Variants in CAPZA2 observed in about 807,000 individuals in gnomAD.
The protein encoded by CAPZA2 is F-actin-capping protein subunit alpha-2.
CAPZA2 carries 13 observed loss-of-function variants against 44.0 expected under a neutral mutation model. The observed-to-expected ratio is 0.30, with a 90% CI of 0.19 to 0.47. CAPZA2 has a LOEUF of 0.47. Ranked by LOEUF, CAPZA2 falls within the 20% of genes least tolerant of loss-of-function variation. The pLI is 1.00. For missense variants in CAPZA2, 244 were observed against 338.6 expected, an observed-to-expected ratio of 0.72 and a Z score of 2.19; for synonymous variants, 94 against 108.2, an observed-to-expected ratio of 0.87 and a Z score of 0.81.
At chr7:116,908,759 T>C (rs1791549072) in intron 6 of CAPZA2, among the ~76,000 whole-genome samples, 1 of 152,176 alleles carries the variant, frequency 6.6e-6, no homozygotes, top group African/African-American at 2.4e-5. Context: ...AATACTTCTT[T>C]TGGAATCATG....
chr7:116,890,525 AATATATAT>A (rs869031070), intron 2 of CAPZA2, among the ~76,000 whole-genome samples: 4 of 27,220 alleles, frequency 1.5e-4, no homozygotes, highest in African/African-American at 3.2e-4. Context: ...AAAAAAAAAA[AATATATAT>A]ATATATATAT....
intron 5 of CAPZA2, among the ~76,000 whole-genome samples, chr7:116,905,489 T>C (rs1277673132): frequency 6.6e-6 from 1 of 152,202 alleles, no homozygotes; most frequent in East Asian, 1.9e-4. Flanking sequence ...TAATTATTAA[T>C]ATCACCAGTA....
At chr7:116,863,001 C>G (rs927355193) in intron 1 of CAPZA2, among the ~76,000 whole-genome samples, 2 of 152,136 alleles carry the variant, frequency 1.3e-5, no homozygotes, top group African/African-American at 4.8e-5. Flanking sequence ...CCGCCGGGGC[C>G]GGGGACCGGG....
intron 5 of CAPZA2, 46 bp from the exon 6 acceptor site, chr7:116,906,217 C>G: frequency 6.3e-7 from 1 of 1,590,536 alleles, no homozygotes; most frequent in South Asian, 1.2e-5. Context: ...GTTGGACATT[C>G]CATGGCCCTA....
intron 1 of CAPZA2, among the ~76,000 whole-genome samples, chr7:116,879,348 G>T (rs551311765): frequency 6.6e-6 from 1 of 152,108 alleles, no homozygotes; most frequent in East Asian, 1.9e-4. Flanking sequence ...TTTTTATTAG[G>T]ATAAGTTTTT....
chr7:116,862,663 G>A lies in CAPZA2; in HGVS notation c.39+13G>A. On this transcript the variant is annotated intron_variant, in intron 1 of 9. Transcript: ENST00000361183. Reference sequence around the variant, plus strand: ...TGATGAAGAGAAGGTAAGAGTCGCGGGGGCGACGGCGCGGGCTGTCAGGAG... The same window carrying A: ...TGATGAAGAGAAGGTAAGAGTCGCGAGGGCGACGGCGCGGGCTGTCAGGAG... The A allele has an allele frequency of 6.5e-7, 1 of 1,538,372 alleles. No individual in the cohort carries two copies. Among genetic ancestry groups the A allele is most frequent in the South Asian group, 1.2e-5 (1 of 83,378 alleles).
intron 1 of CAPZA2, among the ~76,000 whole-genome samples, chr7:116,877,103 G>C (rs562958417): frequency 6.6e-6 from 1 of 152,302 alleles, no homozygotes; most frequent in East Asian, 1.9e-4. Flanking sequence ...AGAACTTGCA[G>C]TTAGGCCATT....
chr7:116,895,820 A>G (rs555475390), intron 3 of CAPZA2, among the ~76,000 whole-genome samples: 48 of 152,208 alleles, frequency 3.2e-4, no homozygotes, highest in Middle Eastern at 3.4e-3. Context: ...TTAGAATGCT[A>G]TTACTCTGGT....
At chr7:116,910,170 A>C in intron 6 of CAPZA2, 63 bp from the exon 7 acceptor site, 1 of 886,660 alleles carries the variant, frequency 1.1e-6, no homozygotes, top group Non-Finnish European at 1.9e-6. Flanking sequence ...TATAATCTGA[A>C]ACTTAAAATT....
At chr7:116,914,859 C>A (rs1037259686) in intron 8 of CAPZA2, among the ~76,000 whole-genome samples, 2 of 152,230 alleles carry the variant, frequency 1.3e-5, no homozygotes, top group African/African-American at 4.8e-5. Context: ...AAAAAACTTA[C>A]TAATGTCTGA....
intron 1 of CAPZA2, among the ~76,000 whole-genome samples, chr7:116,887,665 C>T (rs981342545): frequency 6.6e-6 from 1 of 152,150 alleles, no homozygotes; most frequent in East Asian, 1.9e-4. Context: ...AACCTCATCT[C>T]TACTAAAAAT....
At position 116,920,837 on chromosome 7, in the gene CAPZA2, T is replaced by C. The variant is rs1269845551; in HGVS notation, c.*2970T>C. 1 of 152,244 alleles carries C rather than the reference T, an allele frequency of 6.6e-6. No individual in the cohort carries two copies. The highest frequency in any genetic ancestry group is 1.5e-5 in the Non-Finnish European group (1 of 68,080). 9.4% of individuals were successfully genotyped at this position (152,244 alleles called of 1,614,324 possible). A position where few individuals can be genotyped will look rare whatever the true frequency, so the allele number is the denominator to read the frequency against. Reference sequence around the variant, plus strand: ...AAATGAGACCAATGATGAGCATGGCTGTATGTTTTTCTTCAACCGTGTAAA... The same window carrying C: ...AAATGAGACCAATGATGAGCATGGCCGTATGTTTTTCTTCAACCGTGTAAA... On this transcript the variant is annotated 3_prime_UTR_variant, in exon 10 of 10. Coordinates refer to ENST00000361183, the MANE Select transcript of CAPZA2 (RefSeq NM_006136.3).
At chr7:116,907,480 A>G (rs1585013753) in intron 6 of CAPZA2, among the ~76,000 whole-genome samples, 1 of 152,314 alleles carries the variant, frequency 6.6e-6, no homozygotes, top group East Asian at 1.9e-4. Context: ...AACACATAAT[A>G]AAATCAATCT....
At chr7:116,908,075 A>G (rs1791540729) in intron 6 of CAPZA2, among the ~76,000 whole-genome samples, 1 of 151,408 alleles carries the variant, frequency 6.6e-6, no homozygotes, top group African/African-American at 2.4e-5. Context: ...CCTGGGCAAC[A>G]TAGTACGACC....
intron 4 of CAPZA2, among the ~76,000 whole-genome samples, chr7:116,902,210 A>G (rs1301085272): frequency 6.6e-6 from 1 of 152,206 alleles, no homozygotes. Flanking sequence ...AAATGTGAAA[A>G]GTGGCTAACA....
chr7:116,897,759 T>C (rs1187922026), intron 3 of CAPZA2, among the ~76,000 whole-genome samples: 1 of 152,178 alleles, frequency 6.6e-6, no homozygotes, highest in Admixed American at 6.6e-5. Flanking sequence ...TTTACTCTTA[T>C]GGAGTAGATA....
At chr7:116,912,008 G>A in intron 7 of CAPZA2, 61 bp from the exon 8 acceptor site, 1 of 1,601,200 alleles carries the variant, frequency 6.2e-7, no homozygotes, top group South Asian at 1.1e-5. Context: ...TATGCTTGTT[G>A]ACGCAATAAG....
intron 7 of CAPZA2, among the ~76,000 whole-genome samples, chr7:116,910,990 C>CAAAA (rs57772383): frequency 1.2e-4 from 6 of 50,546 alleles, no homozygotes; most frequent in African/African-American, 2.9e-4. Context: ...GACTCCGTCT[C>CAAAA]AAAAAAAAAA....
intron 1 of CAPZA2, chr7:116,886,091 A>T (rs988961721): frequency 1.2e-4 from 19 of 154,838 alleles, no homozygotes; most frequent in African/African-American, 4.3e-4. Flanking sequence ...CCAGATAGAT[A>T]ACAAAAAGAT....
Sources: gnomAD v4.1 joint callset for allele counts (sites outside exome capture counted in the v4.1 genomes callset) on GRCh38, gnomAD v4.1.1 for gene constraint, MANE v1.5 for transcripts, NCBI Gene and HGNC (gene_info 2026-07-23, HGNC 2026-07-21) for gene names.